Variants in MADD observed in about 807,000 individuals in gnomAD.
MADD encodes MAP kinase-activating death domain protein.
A neutral mutation model predicts 176.7 loss-of-function variants in MADD; 109 were observed. The ratio of observed to expected loss-of-function variants is 0.62; its 90% confidence interval spans 0.53 to 0.72. The LOEUF is 0.72. Ranked by LOEUF, MADD falls within the 30% of genes least tolerant of loss-of-function variation. MADD has a pLI of 0.00. For missense variants in MADD, 1,914 were observed against 2,045.5 expected (o/e 0.94, Z 1.24); for synonymous variants, 771 against 771.3 (o/e 1.00, Z 0.01).
At chr11:47,300,513 T>C (rs2076924699) in intron 22 of MADD, among the ~76,000 whole-genome samples, 1 of 151,282 alleles carries the variant, frequency 6.6e-6, no homozygotes. Flanking sequence ...GCTTTTTTTC[T>C]TTGAGACAGA....
At chr11:47,289,473 G>C (rs761790891) in exon 16 of MADD, 5 of 1,614,160 alleles carry the variant, frequency 3.1e-6, no homozygotes, top group Middle Eastern at 1.6e-4. Flanking sequence ...CATCACCCCA[G>C]GGTCGATCCA....
At chr11:47,289,066 T>C (rs367655635) in intron 15 of MADD, 39 bp downstream of exon 16, 623 of 1,554,560 alleles carry the variant, frequency 4.0e-4, no homozygotes, top group Non-Finnish European at 5.1e-4. Context: ...TCTTTTTTTT[T>C]TCTCTAGCAT....
At position 47,275,118 on chromosome 11, in the gene MADD, C is replaced by T. The variant is rs538109824; in HGVS notation, c.618C>T (p.Arg206=). ...GCCTGGTGGACTGCTGTAGTGAGCG[C>T]CTTCTGGGCAAGAAACTGGGCATCC... Residue 206 remains arginine, a synonymous_variant, in exon 3 of 33, where the codon CGC becomes CGT. Coordinates refer to ENST00000402192, the Ensembl canonical transcript of MADD. The T allele has an allele frequency of 1.6e-5, 26 of 1,614,104 alleles. No homozygotes were observed. The South Asian group carries it at 2.3e-4, about 14-fold the overall frequency.
chr11:47,284,986 G>C (rs145567030), exon 13 of MADD: 10 of 1,613,828 alleles, frequency 6.2e-6, no homozygotes, highest in Non-Finnish European at 8.5e-6. Flanking sequence ...AGCAGTAGGC[G>C]TCTCCAAGCC....
chr11:47,324,990 G>A (rs929647169), intron 30 of MADD: 2 of 563,494 alleles, frequency 3.5e-6, no homozygotes, highest in South Asian at 2.1e-5. Context: ...TCTGGTGTGC[G>A]TGCAGCTTGC....
chr11:47,302,362 T>A (rs1056758433), intron 22 of MADD, among the ~76,000 whole-genome samples: 3 of 152,126 alleles, frequency 2.0e-5, no homozygotes, highest in Non-Finnish European at 4.4e-5. Flanking sequence ...TACAGGTGTC[T>A]GCTGCCATGC....
chr11:47,287,546 A>G (rs753680092), intron 15 of MADD, among the ~76,000 whole-genome samples: 14 of 151,996 alleles, frequency 9.2e-5, no homozygotes, highest in Non-Finnish European at 2.1e-4. Flanking sequence ...TGTAGTTGGA[A>G]TTATAGGCAC....
chr11:47,308,821 A>C (rs1472906273), intron 23 of MADD, 122 bp downstream of exon 25: 1 of 1,002,654 alleles, frequency 1.0e-6, no homozygotes, highest in Non-Finnish European at 1.5e-6. Flanking sequence ...ATTAGATAGC[A>C]GTTTTATACC....
chr11:47,291,986 G>T (rs765185001), intron 19 of MADD, among the ~76,000 whole-genome samples: 5 of 152,178 alleles, frequency 3.3e-5, no homozygotes, highest in Non-Finnish European at 5.9e-5. Context: ...GGGTGAGTTG[G>T]TTTCTTGAGG....
At chr11:47,320,618 C>CTA (rs1195361324) in intron 27 of MADD, among the ~76,000 whole-genome samples, 1 of 151,826 alleles carries the variant, frequency 6.6e-6, no homozygotes, top group Non-Finnish European at 1.5e-5. Context: ...GACCCTGTCT[C>CTA]TATAAAAAAT....
chr11:47,275,113 G>A, exon 3 of MADD: 1 of 1,614,140 alleles, frequency 6.2e-7, no homozygotes, highest in Non-Finnish European at 8.5e-7. Context: ...CTGCTGTAGT[G>A]AGCGCCTTCT....
At chr11:47,280,687 C>T (rs1484258390) in intron 7 of MADD, among the ~76,000 whole-genome samples, 1 of 152,184 alleles carries the variant, frequency 6.6e-6, no homozygotes, top group East Asian at 1.9e-4. Context: ...GCCTCAGCCT[C>T]CTGAGTAGCT....
At chr11:47,324,928 T>A in intron 30 of MADD, 1 of 599,172 alleles carries the variant, frequency 1.7e-6, no homozygotes, top group African/African-American at 1.9e-5. Context: ...GATATGCTTC[T>A]GCTTGGTGGT....
chr11:47,285,247 T>A, intron 13 of MADD, 53 bp downstream of exon 13: 1 of 1,594,228 alleles, frequency 6.3e-7, no homozygotes, highest in South Asian at 1.1e-5. Flanking sequence ...CTCACCTCAG[T>A]GGACCCTGGG....
chr11:47,301,479 G>A (rs1249741885), intron 22 of MADD, among the ~76,000 whole-genome samples: 2 of 152,002 alleles, frequency 1.3e-5, no homozygotes, highest in African/African-American at 2.4e-5. Context: ...CTAATTTTGG[G>A]TTTGGTTTGT....
intron 21 of MADD, 151 bp downstream of exon 23, chr11:47,295,730 G>C (rs1362522391): frequency 2.6e-6 from 4 of 1,529,232 alleles, no homozygotes; most frequent in Non-Finnish European, 3.5e-6. Context: ...GTGTGTATAC[G>C]AGATTTCACC....
chr11:47,295,639 G>T (rs1366047685), intron 21 of MADD, 60 bp downstream of exon 23: 5 of 1,610,392 alleles, frequency 3.1e-6, no homozygotes, highest in Admixed American at 1.7e-5. Flanking sequence ...CTTTGGAAAA[G>T]GGTGCTACTT....
At chr11:47,285,376 T>C in intron 13 of MADD, 75 bp from the exon 14 acceptor site, 5 of 1,596,768 alleles carry the variant, frequency 3.1e-6, no homozygotes, top group South Asian at 1.1e-5. Flanking sequence ...AACTGTAGTA[T>C]AGCATAATTA....
intron 21 of MADD, 54 bp from the exon 24 acceptor site, chr11:47,295,843 A>G: frequency 1.3e-6 from 2 of 1,563,854 alleles, no homozygotes; most frequent in African/African-American, 1.4e-5. Context: ...ACAGCTTGGT[A>G]TTTCTGGGGC....
Sources: allele counts gnomAD v4.1 joint callset (sites outside exome capture counted in the v4.1 genomes callset), GRCh38; gene constraint gnomAD v4.1.1; transcripts MANE v1.5; gene names NCBI Gene and HGNC (gene_info 2026-07-23, HGNC 2026-07-21).